The following CHLSN variants were observed in gnomAD, a reference collection of about 807,000 sequenced individuals.
CHLSN encodes the protein cholesin, also known as protein cholesin.
chr7:1,094,401 T>C, the CHLSN span, among the ~76,000 whole-genome samples: 1 of 152,272 alleles, frequency 6.6e-6, no homozygotes, highest in Non-Finnish European at 1.5e-5. Flanking sequence ...TTTCCTGTGT[T>C]TGCGGTTCTG....
At chr7:986,507 A>G in the CHLSN span, 1 of 1,243,552 alleles carries the variant, frequency 8.0e-7, no homozygotes, top group Non-Finnish European at 1.1e-6. Context: ...GGCCGCCTCC[A>G]GCACATCCAC....
chr7:1,073,879 G>A, the CHLSN span, among the ~76,000 whole-genome samples: 1 of 29,190 alleles, frequency 3.4e-5, no homozygotes, highest in South Asian at 2.6e-3. Flanking sequence ...CGCCCGCCCC[G>A]ACCCCGCACC....
At chr7:1,084,900 A>G in the CHLSN span, among the ~76,000 whole-genome samples, 1 of 152,186 alleles carries the variant, frequency 6.6e-6, no homozygotes, top group Non-Finnish European at 1.5e-5. Context: ...GCTGCCTACC[A>G]TGGAGGGCAT....
chr7:998,980 G>A, the CHLSN span, among the ~76,000 whole-genome samples: 36 of 152,226 alleles, frequency 2.4e-4, 1 homozygote, highest in African/African-American at 7.5e-4. Flanking sequence ...CGGCATGTTC[G>A]TAAATATGTA....
the CHLSN span, among the ~76,000 whole-genome samples, chr7:1,122,404 C>T: frequency 1.3e-5 from 2 of 152,210 alleles, no homozygotes; most frequent in Non-Finnish European, 2.9e-5. Context: ...CAGGGGCCTC[C>T]ACACCAGCAG....
the CHLSN span, among the ~76,000 whole-genome samples, chr7:1,016,807 ACACACCAGCG>A: frequency 1.0e-4 from 7 of 68,422 alleles, no homozygotes; most frequent in Admixed American, 2.8e-4. Context: ...ACACAGCAGC[ACACACCAGCG>A]CACAGCAGCG....
At chr7:1,022,009 G>C in the CHLSN span, among the ~76,000 whole-genome samples, 1 of 152,206 alleles carries the variant, frequency 6.6e-6, no homozygotes, top group East Asian at 1.9e-4. Flanking sequence ...AGGTGACAGC[G>C]ATGACGGCCC....
the CHLSN span, among the ~76,000 whole-genome samples, chr7:990,882 G>A: frequency 1.3e-5 from 2 of 151,948 alleles, no homozygotes; most frequent in Non-Finnish European, 2.9e-5. Flanking sequence ...GAACATTCCA[G>A]GGCAGGGGCT....
At chr7:998,737 C>T in the CHLSN span, among the ~76,000 whole-genome samples, 13 of 152,200 alleles carry the variant, frequency 8.5e-5, no homozygotes, top group Non-Finnish European at 2.9e-5. Context: ...TGAGCCACCA[C>T]GCCCGGCTAC....
chr7:1,065,762 T>C, the CHLSN span, among the ~76,000 whole-genome samples: 3 of 152,330 alleles, frequency 2.0e-5, no homozygotes, highest in African/African-American at 7.2e-5. Flanking sequence ...AGGAGATCTG[T>C]GTGCTTCCCG....
the CHLSN span, among the ~76,000 whole-genome samples, chr7:1,133,949 G>C: frequency 2.0e-5 from 3 of 151,984 alleles, no homozygotes; most frequent in Non-Finnish European, 4.4e-5. Context: ...TGGCACTACA[G>C]GTGTACACCA....
chr7:1,135,147 C>T, the CHLSN span, among the ~76,000 whole-genome samples: 3 of 152,122 alleles, frequency 2.0e-5, no homozygotes, highest in African/African-American at 7.2e-5. Context: ...CTCTTAATCG[C>T]CGTGTCCTTG....
chr7:1,063,050 T>C, the CHLSN span, among the ~76,000 whole-genome samples: 27 of 152,112 alleles, frequency 1.8e-4, no homozygotes, highest in African/African-American at 6.3e-4. Flanking sequence ...TGTGAGTGCA[T>C]CTGACCTGCC....
chr7:1,123,510 C>G, the CHLSN span, among the ~76,000 whole-genome samples: 1,531 of 152,260 alleles, frequency 0.01, 19 homozygotes, highest in African/African-American at 0.036. The surrounding 1 kb of genome is among the most constrained non-coding windows in gnomAD (Gnocchi z 4.4). Context: ...TTTCCACACG[C>G]TCCCCCGGAG....
the CHLSN span, among the ~76,000 whole-genome samples, chr7:1,052,817 A>G: frequency 6.6e-6 from 1 of 151,824 alleles, no homozygotes; most frequent in South Asian, 2.1e-4. The surrounding 1 kb of genome is among the most constrained non-coding windows in gnomAD (Gnocchi z 4.2). Flanking sequence ...GACCTGCAGC[A>G]TGGGGTTGGG....
At chr7:983,605 G>A in the CHLSN span, among the ~76,000 whole-genome samples, 1 of 152,170 alleles carries the variant, frequency 6.6e-6, no homozygotes, top group South Asian at 2.1e-4. Flanking sequence ...AGCCCTGGAG[G>A]TGCCACCCAG....
the CHLSN span, chr7:1,088,122 G>A: frequency 6.6e-6 from 1 of 152,320 alleles, no homozygotes; most frequent in Non-Finnish European, 1.5e-5. The surrounding 1 kb of genome is among the most constrained non-coding windows in gnomAD (Gnocchi z 4.5). Flanking sequence ...CACTGGCTCA[G>A]AGGGAGGACG....
the CHLSN span, among the ~76,000 whole-genome samples, chr7:1,090,910 G>A: frequency 1.3e-5 from 2 of 152,162 alleles, no homozygotes; most frequent in Non-Finnish European, 2.9e-5. Context: ...TGAGGAAACC[G>A]CTGAACTTCT....
the CHLSN span, chr7:1,058,150 G>A: frequency 1.5e-5 from 11 of 739,420 alleles, no homozygotes; most frequent in Middle Eastern, 2.3e-4. Context: ...CTACTCTCCC[G>A]CGTCCGCAGG....
Sources: gnomAD v4.1 joint callset for allele counts (sites outside exome capture counted in the v4.1 genomes callset) on GRCh38, gnomAD v4.1.1 for gene constraint, Gnocchi (gnomAD v3.1) non-coding constraint, MANE v1.5 for transcripts, NCBI Gene and HGNC (gene_info 2026-07-23, HGNC 2026-07-21) for gene names.